Variants in FOXN4 observed in about 807,000 individuals in gnomAD.
FOXN4 encodes the protein forkhead box protein N4.
A neutral mutation model predicts 45.0 loss-of-function variants in FOXN4; 12 were observed. The ratio of observed to expected loss-of-function variants is 0.27; its 90% CI spans 0.17 to 0.43. FOXN4 has a LOEUF of 0.43. FOXN4 is among the 20% of genes least tolerant of loss of function. FOXN4 has a pLI of 1.00. For missense variants in FOXN4, 560 were observed against 694.9 expected (o/e 0.81, Z 2.18); for synonymous variants, 297 against 295.0 (o/e 1.01, Z -0.07).
At chr12:109,282,735 ATAT>A in intron 8 of FOXN4, among the ~76,000 whole-genome samples, 1 of 152,306 alleles carries the variant, frequency 6.6e-6, no homozygotes, top group South Asian at 2.1e-4. Flanking sequence ...AATTACTCTC[ATAT>A]TATTTTTGAT....
At chr12:109,297,363 AGGG>A (rs1366538512) in intron 2 of FOXN4, among the ~76,000 whole-genome samples, 2 of 152,200 alleles carry the variant, frequency 1.3e-5, no homozygotes, top group Admixed American at 6.5e-5. Context: ...TTCTTGAGAC[AGGG>A]GCTTGCTCTT....
At position 109,281,446 on chromosome 12, in the gene FOXN4, C is replaced by A; in HGVS notation, c.1255G>T (p.Asp419Tyr). 6.2e-7 allele frequency: 1 copy of A among 1,614,046 alleles called. No homozygotes were observed. The highest frequency in any genetic ancestry group is 8.5e-7 in the Non-Finnish European group (1 of 1,179,896). ...TCCATGATGCTCGGGTCGAGGGCATCCACCTCAGTGTTCATGTCGGTGCTG... is the reference window on the plus strand; with the variant it reads ...TCCATGATGCTCGGGTCGAGGGCATACACCTCAGTGTTCATGTCGGTGCTG... Reference protein sequence around the residue: ...NISTDMNTEVDALDPSIMDFA... With the variant: ...NISTDMNTEVYALDPSIMDFA... Residue 419 changes from aspartate (D) to tyrosine (Y), a missense_variant, in exon 9 of 10, where the codon GAT becomes TAT. By Grantham distance (160) the Asp-to-Tyr change is radical. Transcript: ENST00000299162.
chr12:109,295,841 C>A (rs1020795514), intron 2 of FOXN4, among the ~76,000 whole-genome samples: 1 of 152,218 alleles, frequency 6.6e-6, no homozygotes. Flanking sequence ...CTCCCTCCAT[C>A]TCTGACTCCC....
intron 8 of FOXN4, 61 bp downstream of exon 8, chr12:109,285,243 C>CTGTGTG: frequency 8.0e-7 from 1 of 1,247,876 alleles, no homozygotes; most frequent in Non-Finnish European, 1.1e-6. Flanking sequence ...CCTTCCTCTT[C>CTGTGTG]CGTGTGTGTG....
At chr12:109,306,366 C>T (rs535760293) in intron 2 of FOXN4, among the ~76,000 whole-genome samples, 64 of 152,302 alleles carry the variant, frequency 4.2e-4, no homozygotes, top group African/African-American at 1.4e-3. Context: ...TGAACCTGCA[C>T]GTGTCTGAAT....
intron 6 of FOXN4, chr12:109,286,986 C>T (rs2047718780): frequency 1.9e-6 from 2 of 1,033,602 alleles, no homozygotes; most frequent in African/African-American, 3.3e-5. Flanking sequence ...TTACCCTTTC[C>T]CCTCTTTATT....
In FOXN4 at chr12:109,286,690, G is replaced by T; in HGVS notation, c.651C>A (p.Ser217Arg). Residue 217 changes from serine (S) to arginine (R), a missense_variant, in exon 7 of 10, where the codon AGC becomes AGA. Physicochemically the swap from Ser to Arg is moderately radical, Grantham distance 110. Transcript: ENST00000299162. The stretch of plus-strand genomic sequence containing the variant: ...GCTCCTTCATGAAGCTGTAGATCTC[G>T]CTCACAGGCAGGCTGCCTGTCTTGC... Reference protein sequence around the residue: ...KNSKTGSLPVSEIYSFMKEHF... With the variant: ...KNSKTGSLPVREIYSFMKEHF... 1 of 1,609,702 alleles carries T rather than the reference G, an allele frequency of 6.2e-7. No homozygotes were observed.
At chr12:109,304,294 AG>A (rs11302724) in intron 2 of FOXN4, among the ~76,000 whole-genome samples, 3,258 of 40,342 alleles carry the variant, frequency 0.081, 315 homozygotes, top group African/African-American at 0.2. Context: ...AAAGAAAGAA[AG>A]GAGAAAGAAA....
At chr12:109,308,433 A>T (rs564065806) in intron 1 of FOXN4, 109 bp from the exon 2 acceptor site, 2 of 676,460 alleles carry the variant, frequency 3.0e-6, no homozygotes, top group Non-Finnish European at 4.7e-6. Flanking sequence ...ATCAACTCAC[A>T]GAACACTTTT....
chr12:109,281,187 C>T (rs746295279), intron 9 of FOXN4, among the ~76,000 whole-genome samples: 2 of 152,214 alleles, frequency 1.3e-5, no homozygotes, highest in Non-Finnish European at 2.9e-5. Flanking sequence ...ACTGCTCCAA[C>T]GAGCATGACA....
At chr12:109,304,153 T>C (rs2047890826) in intron 2 of FOXN4, among the ~76,000 whole-genome samples, 1 of 138,796 alleles carries the variant, frequency 7.2e-6, no homozygotes, top group Non-Finnish European at 1.5e-5. Context: ...ATCGCACCAC[T>C]GCACTCCAGC....
At chr12:109,300,254 G>C (rs1219853244) in intron 2 of FOXN4, among the ~76,000 whole-genome samples, 1 of 152,154 alleles carries the variant, frequency 6.6e-6, no homozygotes, top group Non-Finnish European at 1.5e-5. Flanking sequence ...TCACTTGCCA[G>C]GCACTGTTCT....
Position 109,281,765 on chromosome 12 carries a change from T to G in FOXN4, c.936A>C (p.Glu312Asp), listed in dbSNP as rs773724568. 2.5e-6 allele frequency: 4 copies of G among 1,599,052 alleles called. No individual in the cohort carries two copies. Among genetic ancestry groups the G allele is most frequent in the African/African-American group, 1.3e-5 (1 of 74,744 alleles). ...CCGGTTTGCCGGGGCGCCGGCAGCT[T>G]TCAGGCCGGTCGGAGATCAGCTTGT... ...ELDKLISDRP[E>D]SCRRPGKPGE... is the part of the protein sequence containing the mutation. The change falls in exon 9 of 10, where the codon GAA becomes GAC. Residue 312 changes from glutamate to aspartate, a missense_variant. By Grantham distance (45) the Glu-to-Asp change is conservative (BLOSUM62 2). This residue lies in a region of FOXN4 where 315 missense variants were observed against 350.5 expected (regional missense o/e 0.90). Transcript: ENST00000299162.
intron 9 of FOXN4, among the ~76,000 whole-genome samples, chr12:109,280,342 C>CA (rs34879457): frequency 0.03 from 1,563 of 52,538 alleles, 9 homozygotes; most frequent in Middle Eastern, 0.034. Flanking sequence ...GACTCCACCT[C>CA]AAAAAAAAAA....
intron 2 of FOXN4, among the ~76,000 whole-genome samples, chr12:109,302,076 C>A (rs1332294877): frequency 6.6e-6 from 1 of 152,198 alleles, no homozygotes; most frequent in Non-Finnish European, 1.5e-5. Context: ...CTAATGTAAC[C>A]CAGGCATCTG....
At chr12:109,305,077 C>T (rs541350376) in intron 2 of FOXN4, among the ~76,000 whole-genome samples, 6 of 152,296 alleles carry the variant, frequency 3.9e-5, no homozygotes, top group African/African-American at 9.6e-5. Flanking sequence ...TTCCAACACC[C>T]GTGCTCATGG....
chr12:109,298,350 T>G (rs1007998224), intron 2 of FOXN4, among the ~76,000 whole-genome samples: 296 of 151,752 alleles, frequency 2.0e-3, no homozygotes, highest in African/African-American at 6.2e-3. Flanking sequence ...TTTTGTTTTT[T>G]TTTTTTGCTT....
rs889020972 is a variant in FOXN4, at chr12:109,288,336, T to C, written c.233-156A>G. 1.3e-5 allele frequency among the ~76,000 whole-genome samples: 2 copies of C among 152,276 alleles called. No homozygotes were observed. Among genetic ancestry groups the C allele is most frequent in the South Asian group, 2.1e-4 (1 of 4,816 alleles). On this transcript the variant is annotated intron_variant, in intron 3 of 9. Transcript: ENST00000299162. This position sits in a 1 kb window ranked among gnomAD's most constrained non-coding sequence, Gnocchi z 4.3. The stretch of plus-strand genomic sequence containing the variant: ...CTTGGCAAATCACTTCCCTGGTGTG[T>C]AGTGAAAAGTAGGTTCTTACCAGCT...
chr12:109,280,949 T>A (rs993352470), intron 9 of FOXN4, among the ~76,000 whole-genome samples: 1 of 152,224 alleles, frequency 6.6e-6, no homozygotes, highest in Non-Finnish European at 1.5e-5. Flanking sequence ...GACCGAGGTT[T>A]AACTCCGGAC....
Sources: gnomAD v4.1 joint callset for allele counts (sites outside exome capture counted in the v4.1 genomes callset) on GRCh38, gnomAD v4.1.1 for gene constraint, gnomAD v4.1.1 regional missense constraint, Gnocchi (gnomAD v3.1) non-coding constraint, MANE v1.5 for transcripts, NCBI Gene and HGNC (gene_info 2026-07-23, HGNC 2026-07-21) for gene names.